Variants in ABHD2 observed in about 807,000 individuals in gnomAD.
The protein encoded by ABHD2 is monoacylglycerol lipase ABHD2.
ABHD2 carries 20 observed loss-of-function variants against 48.1 expected under a neutral mutation model. The observed-to-expected ratio is 0.42, with a 90% CI of 0.29 to 0.60. ABHD2 has a LOEUF of 0.60. Ranked by LOEUF, ABHD2 falls within the 20% of genes least tolerant of loss-of-function variation. The pLI, the probability that ABHD2 is intolerant of heterozygous loss-of-function variation, is 0.24. For synonymous variants in ABHD2, 209 were observed against 214.2 expected (o/e 0.98, Z 0.21); for missense variants, 405 against 550.9 (o/e 0.74, Z 2.65).
chr15:89,095,003 C>T (rs548740960), intron 1 of ABHD2, among the ~76,000 whole-genome samples: 144 of 148,708 alleles, frequency 9.7e-4, no homozygotes, highest in African/African-American at 3.3e-3. Context: ...GGCAGAGGTT[C>T]CGGTGAGCCA....
rs77552153 is a variant in ABHD2 at position 89,110,595 on chromosome 15, C to T, written c.-106-3130C>T. Among the ~76,000 whole-genome samples the T allele has an allele frequency of 2.4e-3, 365 of 152,168 alleles. 1 individual carries two copies. Among genetic ancestry groups the T allele is most frequent in the African/African-American group, 8.4e-3 (350 of 41,498 alleles). On this transcript the variant is annotated intron_variant, in intron 1 of 10. Transcript: ENST00000352732. ...AAATGAGAATTTACTTAACTGCCAA[C>T]CTTCACAGTGCTAGGTGCACAGGAG...
intron 3 of ABHD2, among the ~76,000 whole-genome samples, chr15:89,144,348 G>C (rs1425848556): frequency 6.6e-6 from 1 of 152,106 alleles, no homozygotes; most frequent in Non-Finnish European, 1.5e-5. Context: ...GACCAGGCTG[G>C]TCTCAAACTC....
chr15:89,109,420 C>T (rs1451966981), intron 1 of ABHD2, among the ~76,000 whole-genome samples: 1 of 152,146 alleles, frequency 6.6e-6, no homozygotes, highest in African/African-American at 2.4e-5. Context: ...GGGATTGCCA[C>T]AGGGACACAG....
upstream of ABHD2, among the ~76,000 whole-genome samples, chr15:89,085,679 G>A (rs1052134940): frequency 1.3e-5 from 2 of 152,166 alleles, no homozygotes; most frequent in Non-Finnish European, 2.9e-5. This position sits in a 1 kb window ranked among gnomAD's most constrained non-coding sequence, Gnocchi z 4.2. Flanking sequence ...ACTGGTGGCT[G>A]AACCTATGTT....
chr15:89,193,262 G>T lies in ABHD2; in HGVS notation c.1024G>T (p.Ala342Ser), dbSNP rs865777586. 6.2e-7 allele frequency: 1 copy of T among 1,614,192 alleles called. No individual in the cohort carries two copies. Residue 342 changes from alanine to serine, a missense_variant, in exon 10 of 11, where the codon GCA becomes TCA. Ala to Ser is a moderately conservative substitution (Grantham distance 99, BLOSUM62 1). Transcript: ENST00000352732. The stretch of plus-strand genomic sequence containing the variant: ...TTATGTTCCTCTCATGCTGGTTAAT[G>T]CAGCTGACGATCCGTTGGTGCATGA... The part of the protein sequence containing the change: ...RIYVPLMLVN[A>S]ADDPLVHESL...
rs556006589 is a variant in ABHD2, at chr15:89,182,745, A to G, written c.723-2679A>G. Among the ~76,000 whole-genome samples the G allele has an allele frequency of 2.3e-3, 350 of 152,288 alleles. 2 individuals are homozygous for G. Among genetic ancestry groups the G allele is most frequent in the African/African-American group, 7.8e-3 (326 of 41,544 alleles). ...GAGGTGGAGGTTGCAGTGAGCTGAG[A>G]TCACACCACTGCACTCCAGCCTGAG... On this transcript the variant is annotated intron_variant, in intron 6 of 10. Transcript: ENST00000352732. This position sits in a 1 kb window ranked among gnomAD's most constrained non-coding sequence, Gnocchi z 4.8.
At chr15:89,157,121 T>G (rs1212408696) in intron 5 of ABHD2, among the ~76,000 whole-genome samples, 1 of 152,236 alleles carries the variant, frequency 6.6e-6, no homozygotes, top group Non-Finnish European at 1.5e-5. Context: ...TCTGTTATAG[T>G]TTATTTAACC....
the ABHD2 span, among the ~76,000 whole-genome samples, chr15:89,073,638 G>A: frequency 2.6e-5 from 4 of 152,190 alleles, no homozygotes; most frequent in Non-Finnish European, 4.4e-5. Context: ...TTGGAAACTA[G>A]TGGCCTCACG....
chr15:89,181,530 G>A (rs1231742463), intron 6 of ABHD2, among the ~76,000 whole-genome samples: 1 of 151,900 alleles, frequency 6.6e-6, no homozygotes, highest in Non-Finnish European at 1.5e-5. Flanking sequence ...CCTTTTTGGG[G>A]TGTTAAGGTC....
chr15:89,133,514 A>G (rs935184703), intron 3 of ABHD2, among the ~76,000 whole-genome samples: 2 of 152,232 alleles, frequency 1.3e-5, no homozygotes, highest in African/African-American at 2.4e-5. Flanking sequence ...CGTTGCCAAC[A>G]TCAGGAGTTC....
chr15:89,159,131 C>G (rs941072361), intron 5 of ABHD2, among the ~76,000 whole-genome samples: 6 of 151,806 alleles, frequency 4.0e-5, no homozygotes, highest in Non-Finnish European at 8.8e-5. Flanking sequence ...AATCCCAGCA[C>G]TTTGGGAGGC....
the ABHD2 span, among the ~76,000 whole-genome samples, chr15:89,067,761 C>T: frequency 6.6e-6 from 1 of 152,202 alleles, no homozygotes; most frequent in Non-Finnish European, 1.5e-5. Flanking sequence ...ACTATCCTAA[C>T]ACTCTGTGGA....
Position 89,188,762 on chromosome 15 carries a change from A to G in ABHD2, c.926+459A>G, listed in dbSNP as rs890251537. ...GGCAGTGTCTCATGCCTGTAATCCTAGGAGGATTTGGGAGGTCATGGGGGA... is the reference window on the plus strand; with the variant it reads ...GGCAGTGTCTCATGCCTGTAATCCTGGGAGGATTTGGGAGGTCATGGGGGA... On this transcript the variant is annotated intron_variant, in intron 8 of 10. Transcript: ENST00000352732. The surrounding 1 kb of genome is among the most constrained non-coding windows in gnomAD (Gnocchi z 4.1). 1.3e-5 allele frequency among the ~76,000 whole-genome samples: 2 copies of G among 152,070 alleles called. No homozygotes were observed. The highest frequency in any genetic ancestry group is 4.8e-5 in the African/African-American group (2 of 41,432).
chr15:89,123,050 G>C (rs1163787950), intron 3 of ABHD2, among the ~76,000 whole-genome samples: 2 of 152,178 alleles, frequency 1.3e-5, no homozygotes, highest in Non-Finnish European at 2.9e-5. Flanking sequence ...TCTGCAACCA[G>C]CTGCCACCTG....
upstream of ABHD2, among the ~76,000 whole-genome samples, chr15:89,083,688 T>C (rs1465502238): frequency 1.3e-5 from 2 of 152,220 alleles, no homozygotes; most frequent in South Asian, 2.1e-4. The surrounding 1 kb of genome is among the most constrained non-coding windows in gnomAD (Gnocchi z 5.1). Context: ...GATTTTACTA[T>C]AGACAACTCA....
At chr15:89,050,526 A>G in the ABHD2 span, among the ~76,000 whole-genome samples, 1 of 152,196 alleles carries the variant, frequency 6.6e-6, no homozygotes, top group African/African-American at 2.4e-5. Flanking sequence ...CTTCATGTGC[A>G]CCTGAGTTTG....
At chr15:89,119,623 C>A (rs917037098) in intron 3 of ABHD2, among the ~76,000 whole-genome samples, 2 of 152,068 alleles carry the variant, frequency 1.3e-5, no homozygotes, top group Admixed American at 1.3e-4. Flanking sequence ...AGTGTGACAC[C>A]AGGTTGGCTG....
the ABHD2 span, among the ~76,000 whole-genome samples, chr15:89,042,413 C>T: frequency 1.3e-5 from 2 of 152,140 alleles, no homozygotes; most frequent in Non-Finnish European, 2.9e-5. Context: ...GCTCCAAGTA[C>T]ACCCTCTCTG....
At chr15:89,063,499 A>G in the ABHD2 span, among the ~76,000 whole-genome samples, 1 of 151,846 alleles carries the variant, frequency 6.6e-6, no homozygotes, top group Admixed American at 6.6e-5. Context: ...TGCGTTCTCA[A>G]CTAATCTCTG....
Sources: allele counts gnomAD v4.1 joint callset (sites outside exome capture counted in the v4.1 genomes callset), GRCh38; gene constraint gnomAD v4.1.1; non-coding constraint Gnocchi (gnomAD v3.1); transcripts MANE v1.5; gene names NCBI Gene and HGNC (gene_info 2026-07-23, HGNC 2026-07-21).